The following PLB1 variants were observed in gnomAD, a reference collection of about 807,000 sequenced individuals.
PLB1 encodes the protein phospholipase B1, membrane-associated.
A neutral mutation model predicts 227.4 loss-of-function variants in PLB1; 242 were observed. The observed-to-expected ratio is 1.06, with a 90% CI of 0.96 to 1.18. The LOEUF (loss-of-function observed/expected upper bound fraction) is 1.18. Among genes scored for constraint, PLB1 ranks in the 50% most tolerant of loss-of-function variants. PLB1 has a pLI of 0.00. For synonymous variants in PLB1, 757 were observed against 682.2 expected (o/e 1.11, Z -1.71); for missense variants, 1,858 against 1,816.3 (o/e 1.02, Z -0.42).
intron 33 of PLB1, among the ~76,000 whole-genome samples, chr2:28,596,342 A>G (rs1682911925): frequency 6.6e-6 from 1 of 152,126 alleles, no homozygotes; most frequent in Admixed American, 6.5e-5. Context: ...TTTTGTGTTT[A>G]TTTGTCATAA....
intron 45 of PLB1, among the ~76,000 whole-genome samples, 172 bp from the exon 46 acceptor site, chr2:28,618,169 A>G (rs972716519): frequency 3.3e-5 from 5 of 152,228 alleles, no homozygotes; most frequent in African/African-American, 1.2e-4. Flanking sequence ...CATTCCCTGC[A>G]GTGCCTTGGT....
At chr2:28,631,540 ACATTC>A (rs1262664653) in intron 54 of PLB1, among the ~76,000 whole-genome samples, 1 of 152,118 alleles carries the variant, frequency 6.6e-6, no homozygotes, top group East Asian at 1.9e-4. Flanking sequence ...TGTTCCTTTT[ACATTC>A]CATGCTTGGG....
chr2:28,502,528 G>A (rs1229679656), intron 1 of PLB1, among the ~76,000 whole-genome samples: 1 of 152,058 alleles, frequency 6.6e-6, no homozygotes, highest in Non-Finnish European at 1.5e-5. Context: ...TAATAGACTT[G>A]CTAATACTGA....
At chr2:28,603,907 A>C in intron 39 of PLB1, 59 bp from the exon 40 acceptor site, 1 of 1,520,220 alleles carries the variant, frequency 6.6e-7, no homozygotes, top group Non-Finnish European at 9.1e-7. Flanking sequence ...GGGCAATCAG[A>C]ACCAGCCCCT....
intron 51 of PLB1, among the ~76,000 whole-genome samples, chr2:28,627,748 G>GA (rs1174614613): frequency 1.3e-5 from 2 of 152,134 alleles, no homozygotes; most frequent in African/African-American, 4.8e-5. Flanking sequence ...TTCGTCTCCA[G>GA]AAAAAATAAT....
At chr2:28,613,339 G>A (rs1396826467) in intron 43 of PLB1, among the ~76,000 whole-genome samples, 1 of 152,174 alleles carries the variant, frequency 6.6e-6, no homozygotes, top group African/African-American at 2.4e-5. Context: ...GCTGTTTCCT[G>A]ATCTCAGTCT....
In PLB1 at chr2:28,620,273, G is replaced by A; in HGVS notation, c.3324G>A (p.Val1108=). Reference sequence around the variant, plus strand: ...CTTTTTGCTTTTTACAGACAGCAGTGGGAGCTCGACCAAACAACTCCAGTG... The same window carrying A: ...CTTTTTGCTTTTTACAGACAGCAGTAGGAGCTCGACCAAACAACTCCAGTG... ...AALGDSLTTA[V]GARPNNSSDL... is the part of the protein sequence containing the mutation. Residue 1108 remains valine (V), a synonymous_variant, in exon 47 of 58, where the codon GTG becomes GTA. Transcript: ENST00000327757. 2 of 1,601,532 alleles carry A rather than the reference G, an allele frequency of 1.2e-6. No individual in the cohort carries two copies. The highest frequency in any genetic ancestry group is 2.2e-5 in the South Asian group (2 of 89,382).
chr2:28,616,603 A>G (rs1161063813), intron 44 of PLB1, among the ~76,000 whole-genome samples: 1 of 152,234 alleles, frequency 6.6e-6, no homozygotes, highest in East Asian at 1.9e-4. Flanking sequence ...GAATATGCTT[A>G]TCTCTGGTTC....
intron 54 of PLB1, among the ~76,000 whole-genome samples, chr2:28,631,152 CAA>C (rs56107032): frequency 8.0e-4 from 110 of 137,606 alleles, no homozygotes; most frequent in African/African-American, 1.2e-3. Context: ...GACCCTATCT[CAA>C]AAAAAAAAAA....
Position 28,562,560 on chromosome 2 carries a change from G to A in PLB1, c.1148-481G>A, listed in dbSNP as rs1366762885. ...TGTCTCAAAAAAAAAAAAAAAAAAA[G>A]TCAGTGGCATAAAAGTATTCCTTTT... On this transcript the variant is annotated intron_variant, in intron 17 of 57. Coordinates refer to ENST00000327757, the MANE Select transcript of PLB1 (RefSeq NM_153021.5). Among the ~76,000 whole-genome samples, 258 of 41,904 alleles carry A rather than the reference G, an allele frequency of 6.2e-3. 1 individual carries two copies. The highest frequency in any genetic ancestry group is 7.7e-3 in the African/African-American group (73 of 9,468). 27.5% of individuals were successfully genotyped at this position (41,904 alleles called of 152,430 possible). A position where few individuals can be genotyped will look rare whatever the true frequency, so the allele number is the denominator to read the frequency against.
chr2:28,550,468 G>A (rs1401301042), intron 16 of PLB1, among the ~76,000 whole-genome samples: 6 of 151,032 alleles, frequency 4.0e-5, no homozygotes, highest in Admixed American at 2.0e-4. Flanking sequence ...GAGCCACGGC[G>A]CCCAGCCTGG....
At chr2:28,602,420 T>A (rs1047714949) in intron 38 of PLB1, among the ~76,000 whole-genome samples, 1 of 152,226 alleles carries the variant, frequency 6.6e-6, no homozygotes, top group South Asian at 2.1e-4. Context: ...GACAGGGCAC[T>A]CTGACCACCA....
At chr2:28,590,907 G>A (rs1402942275) in intron 29 of PLB1, among the ~76,000 whole-genome samples, 3 of 152,210 alleles carry the variant, frequency 2.0e-5, no homozygotes, top group African/African-American at 7.2e-5. Flanking sequence ...AAGGAAGACA[G>A]GCGCGTTCCC....
At chr2:28,590,643 A>G (rs1417967991) in intron 29 of PLB1, among the ~76,000 whole-genome samples, 1 of 152,120 alleles carries the variant, frequency 6.6e-6, no homozygotes, top group Non-Finnish European at 1.5e-5. Context: ...CTGTATACCC[A>G]GAGGGCTCCC....
intron 16 of PLB1, 32 bp from the exon 17 acceptor site, chr2:28,552,896 T>C: frequency 1.9e-6 from 3 of 1,601,796 alleles, no homozygotes; most frequent in Non-Finnish European, 1.7e-6. Context: ...GAAAAATCCA[T>C]TTTCCTTATT....
chr2:28,625,795 C>T (rs145292954), intron 50 of PLB1, among the ~76,000 whole-genome samples: 131 of 152,096 alleles, frequency 8.6e-4, no homozygotes, highest in African/African-American at 3.1e-3. Context: ...TTTAATGGGC[C>T]AAGGATATGT....
At chr2:28,618,451 C>T (rs1686508328) in intron 46 of PLB1, 52 bp downstream of exon 46, 1 of 1,566,654 alleles carries the variant, frequency 6.4e-7, no homozygotes, top group Non-Finnish European at 8.8e-7. Flanking sequence ...CAGCCAGGCC[C>T]TGCGCAGAAT....
Position 28,590,980 on chromosome 2 carries a change from A to C in PLB1, c.2089-153A>C, listed in dbSNP as rs1015085344. ...TCAGGTTGCAGAGACGGCCCCCTGCATCTTGGGAGGGAGTCAGCCTGGTAG... is the reference window on the plus strand; with the variant it reads ...TCAGGTTGCAGAGACGGCCCCCTGCCTCTTGGGAGGGAGTCAGCCTGGTAG... On this transcript the variant is annotated intron_variant, in intron 29 of 57. Transcript: ENST00000327757. Among the ~76,000 whole-genome samples, 6 of 152,330 alleles carry C rather than the reference A, an allele frequency of 3.9e-5. No individual in the cohort carries two copies. The Middle Eastern group carries it at 0.02, about 518-fold the overall frequency.
At chr2:28,614,982 A>G (rs1266185678) in intron 44 of PLB1, among the ~76,000 whole-genome samples, 2 of 147,434 alleles carry the variant, frequency 1.4e-5, no homozygotes, top group African/African-American at 2.6e-5. Context: ...TGGTCATTTC[A>G]GATAGTGATG....
Sources: gnomAD v4.1 joint callset for allele counts (sites outside exome capture counted in the v4.1 genomes callset) on GRCh38, gnomAD v4.1.1 for gene constraint, MANE v1.5 for transcripts, NCBI Gene and HGNC (gene_info 2026-07-23, HGNC 2026-07-21) for gene names.